Variants in ANKRD30A observed in about 807,000 individuals in gnomAD.
ANKRD30A encodes ankyrin repeat domain 30A, also known as ankyrin repeat domain-containing protein 30A.
In ANKRD30A, 170 loss-of-function variants were observed where a neutral mutation model predicts 166.3. That is an observed-to-expected ratio of 1.02 (90% CI 0.90 to 1.16). The LOEUF is 1.16. Among genes scored for constraint, ANKRD30A ranks in the 50% most tolerant of loss-of-function variants. The probability of loss-of-function intolerance (pLI) is 0.00; values close to 1 mark genes in which losing one functional copy is unlikely to be tolerated. For missense variants in ANKRD30A, 1,630 were observed against 1,518.0 expected (o/e 1.07, Z -1.23); for synonymous variants, 564 against 508.9 (o/e 1.11, Z -1.46).
chr10:37,217,858 G>A lies in ANKRD30A; in HGVS notation c.3247G>A (p.Val1083Ile). 6.4e-7 allele frequency: 1 copy of A among 1,553,052 alleles called. No homozygotes were observed. Among genetic ancestry groups the A allele is most frequent in the Non-Finnish European group, 8.6e-7 (1 of 1,156,858 alleles). The change falls in exon 33 of 36, where the codon GTA becomes ATA. Residue 1083 changes from valine to isoleucine, a missense_variant. Around this residue, in one of 4 missense-constraint regions of ANKRD30A, gnomAD observed 712 missense variants for 629.3 expected, o/e 1.13. Coordinates refer to ENST00000361713, the MANE Select transcript of ANKRD30A (RefSeq NM_052997.3). ...AATACAAGATATAGAATTGAAGAGTGTAGAAAGTAATTTGAATCAGGTAAA... is the reference window on the plus strand; with the variant it reads ...AATACAAGATATAGAATTGAAGAGTATAGAAAGTAATTTGAATCAGGTAAA... ...LRIQDIELKS[V>I]ESNLNQVSHT...
chr10:37,135,002 A>T (rs1335494774), intron 5 of ANKRD30A, among the ~76,000 whole-genome samples: 1 of 152,144 alleles, frequency 6.6e-6, no homozygotes, highest in Non-Finnish European at 1.5e-5. Flanking sequence ...CATCTTTCCA[A>T]ATTTGTAGTG....
rs1367809713 is a variant in ANKRD30A at position 37,147,392 on chromosome 10, A to G, written c.1478A>G (p.Lys493Arg). Reference protein sequence around the residue: ...DSRSLFESSAKIQVCIPESIY... With the variant: ...DSRSLFESSARIQVCIPESIY... Reference sequence around the variant, plus strand: ...CAGAGTCTCTTTGAGAGTTCTGCAAAGATTCAAGTGTGTATACCTGAGTCT... The same window carrying G: ...CAGAGTCTCTTTGAGAGTTCTGCAAGGATTCAAGTGTGTATACCTGAGTCT... The change falls in exon 9 of 36, where the codon AAG (lysine) becomes AGG (arginine). Residue 493 changes from lysine (K) to arginine (R), a missense_variant. Physicochemically the swap from Lys to Arg is conservative, Grantham distance 26 (BLOSUM62 2). Around this residue, in one of 4 missense-constraint regions of ANKRD30A, gnomAD observed 904 missense variants for 818.5 expected, o/e 1.10. Transcript: ENST00000361713. 1 of 1,598,182 alleles carries G rather than the reference A, an allele frequency of 6.3e-7. No individual in the cohort carries two copies. Among genetic ancestry groups the G allele is most frequent in the Non-Finnish European group, 8.5e-7 (1 of 1,172,648 alleles).
At chr10:37,178,355 A>T (rs1184380537) in intron 24 of ANKRD30A, 2 of 293,488 alleles carry the variant, frequency 6.8e-6, no homozygotes, top group Non-Finnish European at 1.0e-5. Flanking sequence ...ATTGTCATAT[A>T]CACTCCGTAT....
intron 18 of ANKRD30A, 129 bp downstream of exon 18, chr10:37,165,284 A>G (rs1436735722): frequency 1.2e-5 from 10 of 856,026 alleles, no homozygotes; most frequent in Non-Finnish European, 1.8e-5. Context: ...GTTTTTCAGT[A>G]TATGCTTAAT....
chr10:37,146,686 T>G (rs1173161944), intron 8 of ANKRD30A, among the ~76,000 whole-genome samples: 1 of 152,148 alleles, frequency 6.6e-6, no homozygotes, highest in Non-Finnish European at 1.5e-5. Flanking sequence ...AACAAAAGCT[T>G]GAGTCAATAC....
Position 37,133,960 on chromosome 10 carries a change from T to G in ANKRD30A, c.662T>G (p.Val221Gly). The G allele has an allele frequency of 1.2e-6, 2 of 1,614,120 alleles. No individual in the cohort carries two copies. The highest frequency in any genetic ancestry group is 1.7e-6 in the Non-Finnish European group (2 of 1,179,974). ...GTATGTCATGGATCATCAGAGATAG[T>G]TGGCATGCTTCTTCAGCAAAATGTT... ...LAVCHGSSEI[V>G]GMLLQQNVDV... Residue 221 changes from valine (V) to glycine (G), a missense_variant, in exon 5 of 36, where the codon GTT (valine) becomes GGT (glycine). Physicochemically the swap from Val to Gly is moderately radical, Grantham distance 109. Transcript: ENST00000361713.
chr10:37,238,870 T>A, the ANKRD30A span, among the ~76,000 whole-genome samples: 1 of 152,152 alleles, frequency 6.6e-6, no homozygotes, highest in East Asian at 1.9e-4. Flanking sequence ...TCTCTAGTAA[T>A]GTGTATTGTC....
chr10:37,201,212 T>C (rs774438849), intron 30 of ANKRD30A, 23 bp from the exon 31 acceptor site: 1 of 1,462,490 alleles, frequency 6.8e-7, no homozygotes, highest in Non-Finnish European at 9.2e-7. Context: ...ATTGAAATTA[T>C]TTATTGATAT....
chr10:37,195,831 A>G (rs940561514), intron 27 of ANKRD30A, among the ~76,000 whole-genome samples: 3 of 152,048 alleles, frequency 2.0e-5, no homozygotes, highest in African/African-American at 7.2e-5. Context: ...TGAGTTGCAA[A>G]AGGAGAGGCC....
intron 29 of ANKRD30A, among the ~76,000 whole-genome samples, chr10:37,197,919 A>G (rs1841280727): frequency 6.6e-6 from 1 of 152,020 alleles, no homozygotes; most frequent in Admixed American, 6.6e-5. Context: ...GAATCCTAAG[A>G]AAATCAGTAA....
At chr10:37,206,639 AATT>A in intron 31 of ANKRD30A, among the ~76,000 whole-genome samples, 1 of 151,870 alleles carries the variant, frequency 6.6e-6, no homozygotes, top group Admixed American at 6.6e-5. Flanking sequence ...AAAATACAAA[AATT>A]AATTAGCTGG....
chr10:37,217,801 G>A lies in ANKRD30A; in HGVS notation c.3190G>A (p.Glu1064Lys). ...RIEEQHRKELEVKQQLEQALR... is the reference protein window; with the variant it reads ...RIEEQHRKELKVKQQLEQALR... ...CGAAGAGCAGCATAGGAAAGAGTTA[G>A]AAGTGAAACAACAACTTGAACAGGC... Residue 1064 changes from glutamate (E) to lysine (K), a missense_variant, in exon 33 of 36, where the codon GAA becomes AAA. This residue lies in a region of ANKRD30A where 712 missense variants were observed against 629.3 expected (regional missense o/e 1.13). Transcript: ENST00000361713. 1 of 1,600,328 alleles carries A rather than the reference G, an allele frequency of 6.2e-7. No homozygotes were observed. Among genetic ancestry groups the A allele is most frequent in the Non-Finnish European group, 8.5e-7 (1 of 1,172,586 alleles).
At chr10:37,237,608 GAA>G in the ANKRD30A span, among the ~76,000 whole-genome samples, 1 of 150,010 alleles carries the variant, frequency 6.7e-6, no homozygotes, top group Admixed American at 6.6e-5. Flanking sequence ...TATTTAAAAA[GAA>G]AAAAAAAGTC....
intron 27 of ANKRD30A, 150 bp from the exon 28 acceptor site, chr10:37,197,131 C>T: frequency 8.7e-7 from 1 of 1,146,550 alleles, no homozygotes; most frequent in Middle Eastern, 2.9e-4. Flanking sequence ...TGTGTGTGTC[C>T]TAAACAAACC....
chr10:37,167,103 G>C (rs1300785942), intron 19 of ANKRD30A, among the ~76,000 whole-genome samples: 1 of 151,902 alleles, frequency 6.6e-6, no homozygotes, highest in Non-Finnish European at 1.5e-5. Flanking sequence ...AGAGAAGCCA[G>C]CTAGATGATT....
At chr10:37,260,828 A>G in the ANKRD30A span, among the ~76,000 whole-genome samples, 1 of 152,190 alleles carries the variant, frequency 6.6e-6, no homozygotes, top group African/African-American at 2.4e-5. Context: ...GTTCTCACTT[A>G]TAAGTGGGAA....
At chr10:37,138,077 C>T (rs1261970832) in intron 6 of ANKRD30A, among the ~76,000 whole-genome samples, 5 of 152,140 alleles carry the variant, frequency 3.3e-5, no homozygotes, top group Admixed American at 6.5e-5. Context: ...CACCAATATC[C>T]GCTCTTCTGC....
intron 15 of ANKRD30A, among the ~76,000 whole-genome samples, chr10:37,161,182 G>A (rs1838830559): frequency 6.6e-6 from 1 of 152,206 alleles, no homozygotes; most frequent in Non-Finnish European, 1.5e-5. Context: ...AGCTTGCTCT[G>A]AGTAGCAAAA....
rs552028045 is a variant in ANKRD30A at position 37,183,454 on chromosome 10, G to T, written c.2422-6013G>T. Among the ~76,000 whole-genome samples, 3 of 146,846 alleles carry T rather than the reference G, an allele frequency of 2.0e-5. No individual in the cohort carries two copies. In the South Asian group the frequency reaches 6.7e-4, roughly 33 times the overall value. On this transcript the variant is annotated intron_variant, in intron 24 of 35. Coordinates refer to ENST00000361713, the MANE Select transcript of ANKRD30A (RefSeq NM_052997.3). Reference sequence around the variant, plus strand: ...AGTGCCAAATAACAAATGGGCTCTTGTATATGAAATAATGTCTGAAGTTGC... The same window carrying T: ...AGTGCCAAATAACAAATGGGCTCTTTTATATGAAATAATGTCTGAAGTTGC...
Sources: gnomAD v4.1 joint callset for allele counts (sites outside exome capture counted in the v4.1 genomes callset) on GRCh38, gnomAD v4.1.1 for gene constraint, gnomAD v4.1.1 regional missense constraint, MANE v1.5 for transcripts, NCBI Gene and HGNC (gene_info 2026-07-23, HGNC 2026-07-21) for gene names.